The following GPC3 variants were observed in gnomAD, a reference collection of about 807,000 sequenced individuals.
GPC3 encodes glypican-3.
A neutral mutation model predicts 34.4 loss-of-function variants in GPC3; 3 were observed. The ratio of observed to expected loss-of-function variants is 0.09; its 90% confidence interval spans 0.04 to 0.23. GPC3 has a LOEUF of 0.23. Among genes scored for constraint, GPC3 ranks in the 10% least tolerant of loss-of-function variants. The pLI is 1.00. For missense variants in GPC3, 351 were observed against 445.6 expected, an observed-to-expected ratio of 0.79 and a Z score of 1.91; for synonymous variants, 177 against 174.0, an observed-to-expected ratio of 1.02 and a Z score of -0.13.
intron 1 of GPC3, among the ~76,000 whole-genome samples, chrX:133,960,192 C>T (rs1391122267): frequency 9.1e-6 from 1 of 110,144 alleles, no homozygotes; most frequent in Non-Finnish European, 1.9e-5. Context: ...TGGCTAGACC[C>T]TGGGGCGTAA....
chrX:133,811,363 ATTCAACTGT>A (rs1400174005), intron 2 of GPC3, among the ~76,000 whole-genome samples: 18 of 112,060 alleles, frequency 1.6e-4, no homozygotes, highest in Non-Finnish European at 7.5e-5. Context: ...CATAGTTGAG[ATTCAACTGT>A]TTGACTAAAG....
At chrX:133,831,030 T>C (rs2075773076) in intron 2 of GPC3, among the ~76,000 whole-genome samples, 1 of 111,487 alleles carries the variant, frequency 9.0e-6, no homozygotes, top group Non-Finnish European at 1.9e-5. Flanking sequence ...TATAATTCCA[T>C]TTATACAATG....
At chrX:133,760,111 G>C (rs1477270547) in intron 2 of GPC3, among the ~76,000 whole-genome samples, 1 of 112,146 alleles carries the variant, frequency 8.9e-6, no homozygotes, top group Non-Finnish European at 1.9e-5. Flanking sequence ...CATTAGAATG[G>C]TTAAAATTCA....
chrX:133,703,682 G>C (rs1209131053), intron 3 of GPC3, among the ~76,000 whole-genome samples: 1 of 111,559 alleles, frequency 9.0e-6, no homozygotes, highest in Non-Finnish European at 1.9e-5. Flanking sequence ...GGATGGTCTT[G>C]ATCTCCTGAC....
chrX:133,651,769 A>C (rs2070606365), intron 6 of GPC3, among the ~76,000 whole-genome samples: 1 of 112,221 alleles, frequency 8.9e-6, no homozygotes, highest in South Asian at 3.7e-4. Context: ...CTCTGGGCTG[A>C]TATTGATACA....
chrX:133,819,960 C>T (rs1027228576), intron 2 of GPC3, among the ~76,000 whole-genome samples: 4 of 112,050 alleles, frequency 3.6e-5, no homozygotes, highest in African/African-American at 1.3e-4. Flanking sequence ...TTCAATCACA[C>T]TACAGTCCTT....
At chrX:133,697,422 G>A (rs1215727396) in intron 4 of GPC3, among the ~76,000 whole-genome samples, 3 of 110,925 alleles carry the variant, frequency 2.7e-5, no homozygotes, top group Non-Finnish European at 5.7e-5. Flanking sequence ...TGCCCAGAAC[G>A]CCCTCCTTTC....
intron 2 of GPC3, among the ~76,000 whole-genome samples, chrX:133,860,370 G>GA (rs776543835): frequency 4.7e-4 from 51 of 109,115 alleles, no homozygotes; most frequent in African/African-American, 6.3e-4. Flanking sequence ...GAATCAGGCA[G>GA]AAAAAAAAAT....
intron 2 of GPC3, among the ~76,000 whole-genome samples, chrX:133,885,666 T>C (rs1215604824): frequency 9.0e-6 from 1 of 111,594 alleles, no homozygotes; most frequent in Non-Finnish European, 1.9e-5. Flanking sequence ...GATCTAGATA[T>C]GTGTTTATCA....
intron 2 of GPC3, among the ~76,000 whole-genome samples, chrX:133,771,089 G>C (rs962415978): frequency 1.8e-5 from 2 of 111,342 alleles, no homozygotes; most frequent in Non-Finnish European, 3.8e-5. Flanking sequence ...GTCTGCTCTC[G>C]GTACACTGAC....
intron 2 of GPC3, among the ~76,000 whole-genome samples, chrX:133,860,902 G>T (rs2075933423): frequency 9.1e-6 from 1 of 109,804 alleles, no homozygotes; most frequent in Non-Finnish European, 1.9e-5. Context: ...AGGAGTTCGA[G>T]ACCAGCCTGG....
intron 2 of GPC3, among the ~76,000 whole-genome samples, chrX:133,758,669 C>T (rs776313017): frequency 2.7e-5 from 3 of 110,562 alleles, no homozygotes; most frequent in African/African-American, 9.9e-5. Context: ...TATAACAAAC[C>T]TACACATCCT....
At position 133,728,280 on chromosome X, in the gene GPC3, G is replaced by A. The variant is rs191398330; in HGVS notation, c.1032+25202C>T. 2.1e-3 allele frequency among the ~76,000 whole-genome samples: 233 copies of A among 111,483 alleles called. 1 individual carries two copies. The highest frequency in any genetic ancestry group is 7.2e-3 in the African/African-American group (220 of 30,696). Reference sequence around the variant, plus strand: ...CTGGAGACAAAACACCCTGTAGCAGGTTTTCCCTTAAAAGGACATTGCAAT... The same window carrying A: ...CTGGAGACAAAACACCCTGTAGCAGATTTTCCCTTAAAAGGACATTGCAAT... On this transcript the variant is annotated intron_variant, in intron 3 of 7. Transcript: ENST00000370818.
intron 2 of GPC3, among the ~76,000 whole-genome samples, chrX:133,823,185 T>G (rs1335647110): frequency 3.6e-5 from 3 of 82,314 alleles, no homozygotes; most frequent in Non-Finnish European, 4.6e-5. Flanking sequence ...AAAAATGTCA[T>G]ATTACTTACA....
chrX:133,718,900 AG>A (rs2071337490), intron 3 of GPC3, among the ~76,000 whole-genome samples: 1 of 112,065 alleles, frequency 8.9e-6, no homozygotes. Flanking sequence ...TCAGGAAGAT[AG>A]AATAATTATC....
intron 2 of GPC3, among the ~76,000 whole-genome samples, chrX:133,910,509 T>C (rs895132056): frequency 8.9e-6 from 1 of 112,248 alleles, no homozygotes; most frequent in African/African-American, 3.2e-5. Flanking sequence ...CTTAACTTTT[T>C]TGAAAATGGA....
rs141662617 is a variant in GPC3 at position 133,821,381 on chromosome X, G to T, written c.338-67205C>A. On this transcript the variant is annotated intron_variant, in intron 2 of 7. Transcript: ENST00000370818. ...ATTCTTAAGTGGTCCATAAAAGTAA[G>T]GAGCAACAGTGTCACAATCTTTACA... Among the ~76,000 whole-genome samples, 4 of 112,174 alleles carry T rather than the reference G, an allele frequency of 3.6e-5. No individual in the cohort carries two copies. The East Asian group carries it at 1.1e-3, about 31-fold the overall frequency.
At position 133,827,643 on chromosome X, in the gene GPC3, C is replaced by T. The variant is rs529788891; in HGVS notation, c.338-73467G>A. Among the ~76,000 whole-genome samples, 30 of 110,861 alleles carry T rather than the reference C, an allele frequency of 2.7e-4. No homozygotes were observed. In the South Asian group the frequency reaches 0.012, roughly 43 times the overall value. ...ACCAAAAATACAAAAATTAGCTGGG[C>T]GTGGTGACACACACCTGTTGTCCCA... On this transcript the variant is annotated intron_variant, in intron 2 of 7. Coordinates refer to ENST00000370818, the MANE Select transcript of GPC3 (RefSeq NM_004484.4).
chrX:133,599,031 G>T (rs2069951789), intron 6 of GPC3, among the ~76,000 whole-genome samples: 3 of 112,181 alleles, frequency 2.7e-5, no homozygotes, highest in African/African-American at 9.7e-5. Context: ...ACTGCCAGTT[G>T]TTTTCCCTGA....
Sources: allele counts gnomAD v4.1 joint callset (sites outside exome capture counted in the v4.1 genomes callset), GRCh38; gene constraint gnomAD v4.1.1; transcripts MANE v1.5; gene names NCBI Gene and HGNC (gene_info 2026-07-23, HGNC 2026-07-21).